MKLN1: variants seen among roughly 807,000 people sequenced by gnomAD.
MKLN1 encodes the protein muskelin 1.
A neutral mutation model predicts 99.0 loss-of-function variants in MKLN1; 18 were observed. The ratio of observed to expected loss-of-function variants is 0.18; its 90% CI spans 0.13 to 0.27. MKLN1 has a LOEUF of 0.27. Among genes scored for constraint, MKLN1 ranks in the 10% least tolerant of loss-of-function variants. MKLN1 has a pLI of 1.00. For synonymous variants in MKLN1, 288 were observed against 293.2 expected, an observed-to-expected ratio of 0.98 and a Z score of 0.18; for missense variants, 621 against 875.9, an observed-to-expected ratio of 0.71 and a Z score of 3.67.
chr7:131,460,076 T>C (rs1796470677), intron 12 of MKLN1, among the ~76,000 whole-genome samples: 1 of 152,202 alleles, frequency 6.6e-6, no homozygotes, highest in Non-Finnish European at 1.5e-5. Flanking sequence ...CACTTTTTAG[T>C]ATCTTTTCAT....
rs560968435 is a variant in MKLN1, at chr7:131,172,889, A to T, written c.-297+29948A>T. ...CTCTGTGTAATGCTTGATAGCTATG[A>T]TGAATGACTTAAATGTAGTAGAGAG... On this transcript the variant is annotated intron_variant, in intron 2 of 7. Coordinates refer to the MKLN1 transcript ENST00000416992. Among the ~76,000 whole-genome samples the T allele has an allele frequency of 1.3e-5, 2 of 152,314 alleles. 1 individual carries two copies. The highest frequency in any genetic ancestry group is 4.1e-4 in the South Asian group (2 of 4,826).
At chr7:131,271,808 C>G (rs1163851376) in intron 3 of MKLN1, among the ~76,000 whole-genome samples, 2 of 151,738 alleles carry the variant, frequency 1.3e-5, no homozygotes, top group African/African-American at 4.8e-5. Context: ...ACTCAGGAGG[C>G]TGAGGCAGGA....
At position 131,483,822 on chromosome 7, in the gene MKLN1, A is replaced by G. The variant is rs957022827; in HGVS notation, c.2087-3785A>G. Among the ~76,000 whole-genome samples the G allele has an allele frequency of 5.3e-5, 8 of 152,338 alleles. 1 individual carries two copies. The East Asian group carries it at 1.5e-3, about 29-fold the overall frequency. The stretch of plus-strand genomic sequence containing the variant: ...GGGGACGTGTGCATATGGTAACTCA[A>G]ATATTTTGCCACTTTGCACATGTCT... On this transcript the variant is annotated intron_variant, in intron 17 of 17. Coordinates refer to ENST00000352689, the MANE Select transcript of MKLN1 (RefSeq NM_013255.5).
intron 1 of MKLN1, among the ~76,000 whole-genome samples, chr7:131,343,403 T>C (rs1799466242): frequency 6.6e-6 from 1 of 152,200 alleles, no homozygotes; most frequent in Admixed American, 6.5e-5. Context: ...TCTTTCCACA[T>C]TCACCCTTTT....
intron 2 of MKLN1, among the ~76,000 whole-genome samples, chr7:131,189,344 T>A (rs1796499854): frequency 6.6e-6 from 1 of 152,324 alleles, no homozygotes; most frequent in East Asian, 1.9e-4. Context: ...CTAGAAAATC[T>A]TCACTATTAC....
intron 4 of MKLN1, among the ~76,000 whole-genome samples, chr7:131,391,768 T>C (rs2116895183): frequency 6.6e-6 from 1 of 152,362 alleles, no homozygotes; most frequent in South Asian, 2.1e-4. Context: ...TTCCAGTTTG[T>C]GGATCTGTGG....
chr7:131,110,562 C>T (rs942228555), intron 1 of MKLN1, among the ~76,000 whole-genome samples: 4 of 152,114 alleles, frequency 2.6e-5, no homozygotes, highest in African/African-American at 9.7e-5. Flanking sequence ...AGCCTTGCTG[C>T]GCTTTCTGGG....
At chr7:131,345,052 C>T (rs560171835) in intron 1 of MKLN1, among the ~76,000 whole-genome samples, 9 of 152,216 alleles carry the variant, frequency 5.9e-5, no homozygotes, top group South Asian at 2.1e-4. Flanking sequence ...GCGATCCACC[C>T]GCCTTGGCCT....
intron 3 of MKLN1, among the ~76,000 whole-genome samples, chr7:131,289,119 C>T (rs1401485238): frequency 6.6e-6 from 1 of 152,192 alleles, no homozygotes; most frequent in Non-Finnish European, 1.5e-5. Flanking sequence ...CCATCATGCC[C>T]GGCTATCAAA....
At chr7:131,171,756 C>T (rs1032088964) in intron 2 of MKLN1, among the ~76,000 whole-genome samples, 1 of 152,176 alleles carries the variant, frequency 6.6e-6, no homozygotes, top group African/African-American at 2.4e-5. Context: ...CCTCGCCTAG[C>T]CTGTTTGAAT....
At chr7:131,416,975 C>A (rs1309064441) in intron 8 of MKLN1, among the ~76,000 whole-genome samples, 1 of 118,814 alleles carries the variant, frequency 8.4e-6, no homozygotes, top group African/African-American at 3.3e-5. Flanking sequence ...AAGCGCAACC[C>A]TGTCAAAAAA....
In MKLN1 at chr7:131,113,550, A is replaced by G. The variant is rs925872582; in HGVS notation, c.-419+3343A>G. Among the ~76,000 whole-genome samples the G allele has an allele frequency of 3.3e-5, 5 of 152,076 alleles. No homozygotes were observed. In the South Asian group the frequency reaches 1.0e-3, roughly 32 times the overall value. On this transcript the variant is annotated intron_variant, in intron 1 of 7. Transcript: ENST00000416992. ...TTAGAAAGATCTCTCAGCTGGGTGC[A>G]GTGGCACACTACTGTAATCCCAGCA...
intron 3 of MKLN1, among the ~76,000 whole-genome samples, chr7:131,252,329 C>CTTTTTCT (rs1797594824): frequency 2.5e-5 from 3 of 118,524 alleles, no homozygotes; most frequent in South Asian, 3.0e-4. Context: ...TTTTTCTTTT[C>CTTTTTCT]TTTTTTTTTT....
At chr7:131,433,862 G>C (rs1311421705) in intron 9 of MKLN1, among the ~76,000 whole-genome samples, 3 of 148,004 alleles carry the variant, frequency 2.0e-5, no homozygotes, top group Non-Finnish European at 4.4e-5. Flanking sequence ...CAAATTGGTG[G>C]GTTTCATTTT....
intron 2 of MKLN1, among the ~76,000 whole-genome samples, chr7:131,190,802 A>G (rs1268261116): frequency 6.6e-6 from 1 of 152,152 alleles, no homozygotes; most frequent in Non-Finnish European, 1.5e-5. Flanking sequence ...CGCTGCAGAG[A>G]AATCTGTGTA....
At chr7:131,457,721 G>A (rs1796390571) in intron 12 of MKLN1, among the ~76,000 whole-genome samples, 2 of 152,156 alleles carry the variant, frequency 1.3e-5, no homozygotes, top group Admixed American at 1.3e-4. Flanking sequence ...TTCAAGACCA[G>A]CCTGACCAAC....
At chr7:131,192,794 C>T (rs1235013293) in intron 2 of MKLN1, among the ~76,000 whole-genome samples, 2 of 151,932 alleles carry the variant, frequency 1.3e-5, no homozygotes, top group East Asian at 3.9e-4. Flanking sequence ...CCTGCCTCAG[C>T]CTCCCAAAGT....
At chr7:131,192,193 A>G (rs1333647142) in intron 2 of MKLN1, among the ~76,000 whole-genome samples, 2,702 of 77,378 alleles carry the variant, frequency 0.035, 248 homozygotes, top group Admixed American at 0.046. Context: ...TATATAAAAT[A>G]TAATATATAC....
chr7:131,197,234 C>T (rs534348757), intron 2 of MKLN1, among the ~76,000 whole-genome samples: 40 of 152,056 alleles, frequency 2.6e-4, no homozygotes, highest in African/African-American at 7.7e-4. Context: ...GACAGGGTCT[C>T]GCTTTGTTGC....
Sources: allele counts gnomAD v4.1 joint callset (sites outside exome capture counted in the v4.1 genomes callset), GRCh38; gene constraint gnomAD v4.1.1; transcripts MANE v1.5; gene names NCBI Gene and HGNC (gene_info 2026-07-23, HGNC 2026-07-21).